DCDC1: variants seen among roughly 807,000 people sequenced by gnomAD.
The protein encoded by DCDC1 is doublecortin domain-containing protein 1.
DCDC1 carries 200 observed loss-of-function variants against 178.3 expected under a neutral mutation model. That is an observed-to-expected ratio of 1.12 (90% CI 1.00 to 1.26). DCDC1 has a LOEUF of 1.26. Among genes scored for constraint, DCDC1 ranks in the 50% most tolerant of loss-of-function variants. The pLI, the probability that DCDC1 is intolerant of heterozygous loss-of-function variation, is 0.00. For synonymous variants in DCDC1, 690 were observed against 604.8 expected (o/e 1.14, Z -2.07); for missense variants, 1,983 against 1,749.2 (o/e 1.13, Z -2.38).
intron 22 of DCDC1, among the ~76,000 whole-genome samples, chr11:30,925,883 G>T (rs1946560495): frequency 6.6e-6 from 1 of 152,042 alleles, no homozygotes; most frequent in South Asian, 2.1e-4. Flanking sequence ...AAGTTCCTCA[G>T]CTCCCTCCAC....
intron 9 of DCDC1, among the ~76,000 whole-genome samples, chr11:31,157,019 T>C (rs1455861685): frequency 2.0e-5 from 3 of 152,158 alleles, no homozygotes; most frequent in Non-Finnish European, 4.4e-5. Flanking sequence ...CCAAGCATCT[T>C]ATAAAAATAA....
intron 9 of DCDC1, among the ~76,000 whole-genome samples, chr11:31,198,680 A>G (rs1241288737): frequency 6.6e-6 from 1 of 151,946 alleles, no homozygotes; most frequent in Non-Finnish European, 1.5e-5. Flanking sequence ...AAATGTTTTT[A>G]GCTTATCACT....
intron 20 of DCDC1, among the ~76,000 whole-genome samples, chr11:30,960,349 T>C (rs1949025892): frequency 6.6e-6 from 1 of 152,128 alleles, no homozygotes. Flanking sequence ...ACACTGTTAA[T>C]AAACATTAAC....
intron 26 of DCDC1, among the ~76,000 whole-genome samples, chr11:30,916,514 T>G (rs971198772): frequency 6.6e-6 from 1 of 152,196 alleles, no homozygotes; most frequent in Non-Finnish European, 1.5e-5. Context: ...CTTAATTTCT[T>G]AAAAACATTA....
intron 9 of DCDC1, among the ~76,000 whole-genome samples, chr11:31,140,251 T>C (rs1963651511): frequency 6.6e-6 from 1 of 152,160 alleles, no homozygotes; most frequent in Non-Finnish European, 1.5e-5. Flanking sequence ...ATTTCTGAGG[T>C]TGATTTTTCA....
At chr11:31,349,763 G>T (rs1950982781) in intron 1 of DCDC1, among the ~76,000 whole-genome samples, 1 of 152,136 alleles carries the variant, frequency 6.6e-6, no homozygotes, top group Admixed American at 6.6e-5. Context: ...TACCTTGGGA[G>T]GCTGAGGCAG....
chr11:31,364,528 C>T (rs12808009), intron 1 of DCDC1, among the ~76,000 whole-genome samples: 43,449 of 151,868 alleles, frequency 0.29, 6,340 homozygotes, highest in African/African-American at 0.32. Context: ...AGATAAAGAC[C>T]TATAAGAGGT....
chr11:31,343,172 T>C (rs976153476), intron 1 of DCDC1, among the ~76,000 whole-genome samples: 1 of 152,114 alleles, frequency 6.6e-6, no homozygotes, highest in Non-Finnish European at 1.5e-5. Flanking sequence ...CTTGGTAGAC[T>C]GAGGCGAGAG....
At position 30,907,260 on chromosome 11, in the gene DCDC1, G is replaced by A. The variant is rs148235801; in HGVS notation, c.3919-535C>T. On this transcript the variant is annotated intron_variant, in intron 29 of 38. Transcript: ENST00000684477. Reference sequence around the variant, plus strand: ...AATAAAAACAAAACTGCAACTTTTCGGAGACTGTTGGAAGTAAACTGGCAT... The same window carrying A: ...AATAAAAACAAAACTGCAACTTTTCAGAGACTGTTGGAAGTAAACTGGCAT... 3.4e-3 allele frequency among the ~76,000 whole-genome samples: 524 copies of A among 152,158 alleles called. 4 individuals carry two copies. The highest frequency in any genetic ancestry group is 5.0e-3 in the South Asian group (24 of 4,816).
chr11:31,281,247 T>C (rs577409474), intron 7 of DCDC1, among the ~76,000 whole-genome samples: 1 of 152,242 alleles, frequency 6.6e-6, no homozygotes, highest in Non-Finnish European at 1.5e-5. Flanking sequence ...TACTACTTTT[T>C]TCTTGCCTTA....
At chr11:31,121,289 G>T (rs936273481) in intron 11 of DCDC1, among the ~76,000 whole-genome samples, 1 of 151,534 alleles carries the variant, frequency 6.6e-6, no homozygotes, top group African/African-American at 2.4e-5. Flanking sequence ...TGATCATTAG[G>T]AACAATGCAA....
At chr11:31,301,018 G>A (rs925022340) in intron 6 of DCDC1, among the ~76,000 whole-genome samples, 2 of 152,006 alleles carry the variant, frequency 1.3e-5, no homozygotes, top group African/African-American at 4.8e-5. Flanking sequence ...TCTTATAATT[G>A]TCTTCAAATC....
chr11:31,104,712 T>C (rs540555425), intron 13 of DCDC1, among the ~76,000 whole-genome samples: 13 of 152,150 alleles, frequency 8.5e-5, no homozygotes, highest in African/African-American at 3.1e-4. Context: ...TCTTCTTCAG[T>C]TATGTGACCT....
At chr11:31,144,719 A>G (rs949325752) in intron 9 of DCDC1, among the ~76,000 whole-genome samples, 8 of 151,828 alleles carry the variant, frequency 5.3e-5, no homozygotes, top group Non-Finnish European at 1.0e-4. Flanking sequence ...TTTATGTTGT[A>G]TGTTTACTTT....
chr11:31,176,189 AATAG>A (rs1967989734), intron 9 of DCDC1, among the ~76,000 whole-genome samples: 1 of 152,238 alleles, frequency 6.6e-6, no homozygotes, highest in South Asian at 2.1e-4. Flanking sequence ...AAATTCAAAA[AATAG>A]ATAGATATCA....
intron 8 of DCDC1, among the ~76,000 whole-genome samples, chr11:31,255,519 C>A (rs1944359239): frequency 6.6e-6 from 1 of 151,998 alleles, no homozygotes; most frequent in African/African-American, 2.4e-5. Context: ...TTATAGCCAT[C>A]CCAGTATGTG....
rs572717316 is a variant in DCDC1, at chr11:31,267,556, A to C, written c.961-1956T>G. 7.9e-5 allele frequency among the ~76,000 whole-genome samples: 12 copies of C among 152,326 alleles called. No homozygotes were observed. In the East Asian group the frequency reaches 1.2e-3, roughly 15 times the overall value. ...CATTCGCAACATCAATGCTTTACCT[A>C]GTTAAATAAAAAAGTACTTGCAAAG... is the stretch of plus-strand genomic sequence containing the variant. On this transcript the variant is annotated intron_variant, in intron 7 of 38. Coordinates refer to ENST00000684477, the MANE Select transcript of DCDC1 (RefSeq NM_001387274.1).
At chr11:31,191,810 T>G (rs1329032820) in intron 9 of DCDC1, among the ~76,000 whole-genome samples, 1 of 152,096 alleles carries the variant, frequency 6.6e-6, no homozygotes, top group Non-Finnish European at 1.5e-5. Flanking sequence ...TTCATTTCCA[T>G]CTATCTACTT....
intron 15 of DCDC1, among the ~76,000 whole-genome samples, chr11:31,098,417 A>G (rs1958291564): frequency 6.6e-6 from 1 of 152,176 alleles, no homozygotes; most frequent in South Asian, 2.1e-4. Context: ...ACAGGTTGTA[A>G]TTGTCAGGGT....
Sources: allele counts gnomAD v4.1 joint callset (sites outside exome capture counted in the v4.1 genomes callset), GRCh38; gene constraint gnomAD v4.1.1; transcripts MANE v1.5; gene names NCBI Gene and HGNC (gene_info 2026-07-23, HGNC 2026-07-21).